Variants in NCOA2 observed in about 807,000 individuals in gnomAD.
NCOA2 encodes the protein nuclear receptor coactivator 2, also known as class E basic helix-loop-helix protein 75.
A neutral mutation model predicts 145.1 loss-of-function variants in NCOA2; 21 were observed. That is an observed-to-expected ratio of 0.14 (90% CI 0.10 to 0.21). NCOA2 has a LOEUF of 0.21. Among genes scored for constraint, NCOA2 ranks in the 10% least tolerant of loss-of-function variants. The pLI is 1.00. For synonymous variants in NCOA2, 619 were observed against 637.5 expected, an observed-to-expected ratio of 0.97 and a Z score of 0.44; for missense variants, 1,472 against 1,837.6, an observed-to-expected ratio of 0.80 and a Z score of 3.64.
In NCOA2 at chr8:70,232,697, C is replaced by A. The variant is rs1157279019; in HGVS notation, c.-19-15933G>T. On this transcript the variant is annotated intron_variant, in intron 2 of 22. Transcript: ENST00000452400. Reference sequence around the variant, plus strand: ...TCAACCTCTTCCTCTCTACTTAATGCATACTCAGGTCATTTCCATCCTTTA... The same window carrying A: ...TCAACCTCTTCCTCTCTACTTAATGAATACTCAGGTCATTTCCATCCTTTA... 2.6e-5 allele frequency among the ~76,000 whole-genome samples: 4 copies of A among 152,190 alleles called. No individual in the cohort carries two copies. In the East Asian group the frequency reaches 7.7e-4, roughly 29 times the overall value.
At chr8:70,393,497 C>A (rs1258582595) in intron 1 of NCOA2, among the ~76,000 whole-genome samples, 2 of 152,130 alleles carry the variant, frequency 1.3e-5, no homozygotes, top group African/African-American at 4.8e-5. Flanking sequence ...TCTTCCCTCC[C>A]CACCAAAGGT....
chr8:70,328,954 A>AT (rs1267645604), intron 1 of NCOA2, among the ~76,000 whole-genome samples: 3 of 151,162 alleles, frequency 2.0e-5, no homozygotes, highest in South Asian at 2.1e-4. Context: ...AGACCCAGCA[A>AT]TTTTTTTTTC....
the NCOA2 span, among the ~76,000 whole-genome samples, chr8:70,448,245 T>C: frequency 6.6e-6 from 1 of 152,212 alleles, no homozygotes; most frequent in Admixed American, 6.5e-5. Context: ...TATTGATCTT[T>C]GTAGGGCAGG....
rs936437431 is a variant in NCOA2 at position 70,110,134 on chromosome 8, T to G, written c.*3498A>C. The G allele has an allele frequency of 5.0e-6, 1 of 199,856 alleles. No homozygotes were observed. Among genetic ancestry groups the G allele is most frequent in the East Asian group, 7.8e-5 (1 of 12,808 alleles). 12.4% of individuals were successfully genotyped at this position (199,856 alleles called of 1,614,324 possible). ...TACACACATCTCAGATGCAACTTCA[T>G]GAGGAACTGTACAAATAAAACTCAC... On this transcript the variant is annotated 3_prime_UTR_variant, in exon 23 of 23. Coordinates refer to ENST00000452400, the MANE Select transcript of NCOA2 (RefSeq NM_006540.4).
chr8:70,271,321 TA>T (rs1825028983), intron 2 of NCOA2, among the ~76,000 whole-genome samples: 1 of 152,214 alleles, frequency 6.6e-6, no homozygotes, highest in Non-Finnish European at 1.5e-5. Flanking sequence ...TTATTAGTAT[TA>T]ATTTTTACAT....
the NCOA2 span, among the ~76,000 whole-genome samples, chr8:70,429,907 C>T: frequency 6.6e-6 from 1 of 152,142 alleles, no homozygotes; most frequent in Admixed American, 6.5e-5. Context: ...GGTCGCCCTC[C>T]GTCAGCCCAG....
chr8:70,159,242 A>ATATATATATATATATT, intron 10 of NCOA2, among the ~76,000 whole-genome samples: 9 of 61,076 alleles, frequency 1.5e-4, no homozygotes, highest in African/African-American at 3.8e-4. Flanking sequence ...ATATATATAT[A>ATATATATATATATATT]TTTTTTTTTT....
At position 70,354,581 on chromosome 8, in the gene NCOA2, A is replaced by G. The variant is rs146870903; in HGVS notation, c.-77+49119T>C. On this transcript the variant is annotated intron_variant, in intron 1 of 22. Coordinates refer to ENST00000452400, the MANE Select transcript of NCOA2 (RefSeq NM_006540.4). ...AAATTTGAAACATAGGCCTAACCCA[A>G]TGGGCCAGGGACTAGAGAAACCTGG... Among the ~76,000 whole-genome samples, 23 of 152,304 alleles carry G rather than the reference A, an allele frequency of 1.5e-4. No homozygotes were observed. In the East Asian group the frequency reaches 3.9e-3, roughly 26 times the overall value.
chr8:70,115,830 C>T (rs1807041182), intron 22 of NCOA2, among the ~76,000 whole-genome samples: 2 of 152,272 alleles, frequency 1.3e-5, no homozygotes, highest in South Asian at 4.1e-4. Context: ...TACATACTAG[C>T]TCTGCTTAAA....
At chr8:70,346,754 A>AC (rs1303727949) in intron 1 of NCOA2, among the ~76,000 whole-genome samples, 1 of 152,218 alleles carries the variant, frequency 6.6e-6, no homozygotes, top group African/African-American at 2.4e-5. Context: ...GTAGCTAACA[A>AC]GTACTCAAGC....
chr8:70,366,555 T>C (rs912160929), intron 1 of NCOA2, among the ~76,000 whole-genome samples: 2 of 151,370 alleles, frequency 1.3e-5, no homozygotes, highest in Non-Finnish European at 2.9e-5. Context: ...TAATGTTATT[T>C]TTTAAATCTA....
chr8:70,340,537 G>C (rs1016975595), intron 1 of NCOA2, among the ~76,000 whole-genome samples: 3 of 152,136 alleles, frequency 2.0e-5, no homozygotes, highest in African/African-American at 7.2e-5. Context: ...ACAGTGTAGC[G>C]ACTTCTCAAA....
chr8:70,375,882 A>G (rs1470937543), intron 1 of NCOA2, among the ~76,000 whole-genome samples: 3 of 152,252 alleles, frequency 2.0e-5, no homozygotes, highest in African/African-American at 7.2e-5. Context: ...TGCTGAATTA[A>G]GCATGACTTT....
upstream of NCOA2, among the ~76,000 whole-genome samples, chr8:70,406,139 A>G (rs1406276429): frequency 1.3e-5 from 2 of 152,220 alleles, no homozygotes; most frequent in Admixed American, 6.5e-5. Flanking sequence ...TTGTTTGTAC[A>G]TGCTATAGCA....
rs558755572 is a variant in NCOA2, at chr8:70,112,941, A to C, written c.*691T>G. 1 of 197,882 alleles carries C rather than the reference A, an allele frequency of 5.1e-6. No homozygotes were observed. Among genetic ancestry groups the C allele is most frequent in the South Asian group, 1.9e-4 (1 of 5,224 alleles). The allele number at this position is 197,882 out of a possible 1,614,324, so 12.3% of individuals were successfully genotyped here. A position where few individuals can be genotyped will look rare whatever the true frequency, so the allele number is the denominator to read the frequency against. ...GGTTTTAACAAAGAAAAAACAAGGA[A>C]AAAATATTTGCTAATGTTAACAGCC... On this transcript the variant is annotated 3_prime_UTR_variant, in exon 23 of 23. Transcript: ENST00000452400.
At chr8:70,222,938 T>C (rs916941449) in intron 2 of NCOA2, among the ~76,000 whole-genome samples, 1 of 152,192 alleles carries the variant, frequency 6.6e-6, no homozygotes, top group African/African-American at 2.4e-5. Flanking sequence ...TAAATTCTCA[T>C]AGGCCAAGTT....
At chr8:70,451,231 A>ATATATATAT in the NCOA2 span, among the ~76,000 whole-genome samples, 1 of 99,186 alleles carries the variant, frequency 1.0e-5, no homozygotes, top group African/African-American at 4.0e-5. Flanking sequence ...AAAAAAAAAA[A>ATATATATAT]AAAAAAATAT....
chr8:70,365,451 T>C (rs1159883384), intron 1 of NCOA2, among the ~76,000 whole-genome samples: 2 of 152,322 alleles, frequency 1.3e-5, no homozygotes, highest in African/African-American at 2.4e-5. Flanking sequence ...AATCTACATA[T>C]AGCCAAATTT....
intron 1 of NCOA2, among the ~76,000 whole-genome samples, chr8:70,322,248 T>C (rs1206139364): frequency 6.6e-6 from 1 of 152,198 alleles, no homozygotes; most frequent in East Asian, 1.9e-4. Flanking sequence ...ATTTTTGGCA[T>C]GGTTCTTACT....
Sources: gnomAD v4.1 joint callset for allele counts (sites outside exome capture counted in the v4.1 genomes callset) on GRCh38, gnomAD v4.1.1 for gene constraint, MANE v1.5 for transcripts, NCBI Gene and HGNC (gene_info 2026-07-23, HGNC 2026-07-21) for gene names.